Variants in ERC1 observed in about 807,000 individuals in gnomAD.
ERC1 encodes ELKS/RAB6-interacting/CAST family member 1, also known as RAB6 interacting protein 2.
Under a neutral mutation model 132.0 loss-of-function variants are expected in ERC1, and 56 were observed. The ratio of observed to expected loss-of-function variants is 0.42; its 90% CI spans 0.34 to 0.53. The LOEUF is 0.53. Ranked by LOEUF, ERC1 falls within the 20% of genes least tolerant of loss-of-function variation. The pLI is 0.03. For synonymous variants in ERC1, 478 were observed against 476.1 expected (o/e 1.00, Z -0.05); for missense variants, 1,202 against 1,349.9 (o/e 0.89, Z 1.72).
At chr12:1,066,388 C>T (rs1443729636) in intron 2 of ERC1, among the ~76,000 whole-genome samples, 1 of 152,192 alleles carries the variant, frequency 6.6e-6, no homozygotes, top group Non-Finnish European at 1.5e-5. Flanking sequence ...CTTTAAACTG[C>T]TTTACACCTT....
rs114925632 is a variant in ERC1 at position 1,493,840 on chromosome 12, C to T, written c.*3610C>T. ...CCCCCAGAGTGAGAGAAGAGGAAGG[C>T]GAAGTCATCACAGACACGGTCTTAG... On this transcript the variant is annotated 3_prime_UTR_variant, in exon 19 of 19. Transcript: ENST00000360905. The T allele has an allele frequency of 6.2e-3, 1,401 of 226,420 alleles. 8 individuals are homozygous for T. The highest frequency in any genetic ancestry group is 0.026 in the African/African-American group (1,183 of 44,834). The allele number at this position is 226,420 out of a possible 1,614,324, so 14.0% of individuals were successfully genotyped here.
At chr12:1,261,927 A>C (rs891937285) in intron 13 of ERC1, among the ~76,000 whole-genome samples, 1 of 152,198 alleles carries the variant, frequency 6.6e-6, no homozygotes, top group Non-Finnish European at 1.5e-5. Flanking sequence ...TAAATAATAG[A>C]TGCTGTTCTT....
At chr12:1,472,878 C>G (rs1330557357) in intron 18 of ERC1, among the ~76,000 whole-genome samples, 1 of 152,188 alleles carries the variant, frequency 6.6e-6, no homozygotes, top group Non-Finnish European at 1.5e-5. Flanking sequence ...TCCAGGGAAT[C>G]TCATCTTCTA....
chr12:1,421,669 A>G (rs955371868), intron 17 of ERC1, among the ~76,000 whole-genome samples: 1 of 152,116 alleles, frequency 6.6e-6, no homozygotes, highest in African/African-American at 2.4e-5. Flanking sequence ...GAAGTTACAA[A>G]TTTTGTAACC....
chr12:1,116,095 C>T, intron 7 of ERC1, 62 bp downstream of exon 7: 3 of 1,436,698 alleles, frequency 2.1e-6, no homozygotes, highest in Non-Finnish European at 2.9e-6. Flanking sequence ...TAAGCGTTAC[C>T]TGTGCTGTTT....
intron 16 of ERC1, chr12:1,380,730 CT>C: frequency 6.6e-6 from 1 of 152,526 alleles, no homozygotes. Flanking sequence ...TTGCTTAGCT[CT>C]TTTTTGTCAC....
intron 15 of ERC1, among the ~76,000 whole-genome samples, chr12:1,292,548 C>T (rs909853223): frequency 2.0e-5 from 3 of 152,154 alleles, no homozygotes; most frequent in African/African-American, 7.2e-5. Flanking sequence ...ATCCAAATAT[C>T]TCTGTGTTAA....
At chr12:1,161,314 A>T (rs1951866933) in intron 8 of ERC1, among the ~76,000 whole-genome samples, 2 of 152,152 alleles carry the variant, frequency 1.3e-5, no homozygotes. Context: ...TGCAAGGTAG[A>T]TGGAGAAGGG....
Position 1,290,007 on chromosome 12 carries a change from G to T in ERC1, c.2775G>T (p.Glu925Asp). Residue 925 changes from glutamate to aspartate, a missense_variant, in exon 15 of 19, where the codon GAG becomes GAT. Physicochemically the swap from Glu to Asp is conservative, Grantham distance 45. Coordinates refer to ENST00000360905, the MANE Select transcript of ERC1 (RefSeq NM_178040.4). ...ERRKHLEEVL[E>D]MKQEALLAAI... ...GGAAACACTTAGAGGAAGTTCTGGA[G>T]ATGAAGTAAGTGTTTGTAGTCTTAT... is the stretch of plus-strand genomic sequence containing the variant. 1 of 1,613,648 alleles carries T rather than the reference G, an allele frequency of 6.2e-7. No individual in the cohort carries two copies. The highest frequency in any genetic ancestry group is 1.1e-5 in the South Asian group (1 of 91,034).
At chr12:1,320,956 T>C (rs1220035241) in intron 15 of ERC1, among the ~76,000 whole-genome samples, 2 of 152,186 alleles carry the variant, frequency 1.3e-5, no homozygotes, top group Non-Finnish European at 2.9e-5. Context: ...CTGCCTCAGC[T>C]TCCCAAAGTA....
chr12:1,289,540 T>C (rs1384315021), intron 14 of ERC1, among the ~76,000 whole-genome samples: 1 of 152,176 alleles, frequency 6.6e-6, no homozygotes, highest in Non-Finnish European at 1.5e-5. Flanking sequence ...TCTGGGTCAT[T>C]TCCAAAGAAC....
At chr12:1,139,123 T>G (rs1949632320) in intron 7 of ERC1, among the ~76,000 whole-genome samples, 1 of 152,246 alleles carries the variant, frequency 6.6e-6, no homozygotes, top group South Asian at 2.1e-4. Context: ...TGTGGTCACC[T>G]GTGGTCTGAA....
chr12:1,337,657 C>T (rs575658415), intron 15 of ERC1, among the ~76,000 whole-genome samples: 4 of 152,140 alleles, frequency 2.6e-5, no homozygotes, highest in Non-Finnish European at 5.9e-5. Context: ...TACTTAAATG[C>T]GTTTTTGAAG....
intron 15 of ERC1, among the ~76,000 whole-genome samples, chr12:1,364,596 C>A (rs1444454028): frequency 6.6e-6 from 1 of 152,230 alleles, no homozygotes; most frequent in Non-Finnish European, 1.5e-5. Context: ...GTGACTGGTG[C>A]TTTCACACTT....
chr12:1,190,247 G>A, intron 12 of ERC1, 195 bp downstream of exon 12: 1 of 720,206 alleles, frequency 1.4e-6, no homozygotes, highest in African/African-American at 1.7e-5. Flanking sequence ...ACATAGAATG[G>A]GAATAAATTG....
At chr12:1,310,779 G>A (rs1223409893) in intron 15 of ERC1, among the ~76,000 whole-genome samples, 1 of 152,232 alleles carries the variant, frequency 6.6e-6, no homozygotes, top group African/African-American at 2.4e-5. Context: ...AAATACTATC[G>A]TCATTACTGA....
At chr12:1,256,256 A>C (rs2076803641) in intron 13 of ERC1, among the ~76,000 whole-genome samples, 1 of 149,328 alleles carries the variant, frequency 6.7e-6, no homozygotes, top group Non-Finnish European at 1.5e-5. Flanking sequence ...GTTGTAATTT[A>C]AAATTAGACT....
chr12:1,219,551 T>C (rs1958762637), intron 12 of ERC1, among the ~76,000 whole-genome samples: 1 of 152,130 alleles, frequency 6.6e-6, no homozygotes, highest in Non-Finnish European at 1.5e-5. Flanking sequence ...GTTGCTCAAA[T>C]TACTGCAGCT....
At position 1,136,371 on chromosome 12, in the gene ERC1, G is replaced by A. The variant is rs530263880; in HGVS notation, c.1570-5249G>A. On this transcript the variant is annotated intron_variant, in intron 7 of 18. Coordinates refer to ENST00000360905, the MANE Select transcript of ERC1 (RefSeq NM_178040.4). ...TCTGCTCATCTTTACATGCTTTGAG[G>A]TATCTCCAAGCAATCTGAGTGCTTC... 7.9e-5 allele frequency among the ~76,000 whole-genome samples: 12 copies of A among 152,192 alleles called. No homozygotes were observed. In the East Asian group the frequency reaches 1.9e-3, roughly 24 times the overall value.
Sources: allele counts gnomAD v4.1 joint callset (sites outside exome capture counted in the v4.1 genomes callset), GRCh38; gene constraint gnomAD v4.1.1; transcripts MANE v1.5; gene names NCBI Gene and HGNC (gene_info 2026-07-23, HGNC 2026-07-21).